Variants in LGR5 observed in about 807,000 individuals in gnomAD.
The protein encoded by LGR5 is leucine-rich repeat-containing G protein-coupled receptor 5.
Under a neutral mutation model 76.7 loss-of-function variants are expected in LGR5, and 54 were observed. The observed-to-expected ratio is 0.70, with a 90% CI of 0.57 to 0.88. The LOEUF (loss-of-function observed/expected upper bound fraction) is 0.88. Among genes scored for constraint, LGR5 ranks in the 40% least tolerant of loss-of-function variants. The pLI is 0.00. For synonymous variants in LGR5, 406 were observed against 421.9 expected (o/e 0.96, Z 0.46); for missense variants, 1,078 against 1,073.3 (o/e 1.00, Z -0.06).
At chr12:71,515,622 A>C (rs1311677628) in intron 2 of LGR5, among the ~76,000 whole-genome samples, 1 of 152,196 alleles carries the variant, frequency 6.6e-6, no homozygotes, top group East Asian at 1.9e-4. Flanking sequence ...AGATTTTTAG[A>C]ATGGAAAAAG....
chr12:71,479,968 G>C (rs1251968211), intron 1 of LGR5, among the ~76,000 whole-genome samples: 1 of 152,160 alleles, frequency 6.6e-6, no homozygotes, highest in African/African-American at 2.4e-5. Flanking sequence ...GGTGGTGCCA[G>C]GGAATTATCT....
chr12:71,512,177 G>A (rs1875190293), intron 2 of LGR5, among the ~76,000 whole-genome samples: 1 of 152,114 alleles, frequency 6.6e-6, no homozygotes, highest in Non-Finnish European at 1.5e-5. Flanking sequence ...TTTTAGTAGA[G>A]ATGGGGTTTC....
At chr12:71,568,716 C>A (rs984651905) in intron 11 of LGR5, among the ~76,000 whole-genome samples, 1 of 152,168 alleles carries the variant, frequency 6.6e-6, no homozygotes, top group Non-Finnish European at 1.5e-5. Context: ...GAGACTAGAA[C>A]CCCAGAGCCT....
intron 5 of LGR5, among the ~76,000 whole-genome samples, chr12:71,554,186 T>A (rs1483257884): frequency 6.6e-6 from 1 of 151,144 alleles, no homozygotes; most frequent in Non-Finnish European, 1.5e-5. Flanking sequence ...GAGGCAAGAG[T>A]TTTTTAAAGA....
Position 71,582,534 on chromosome 12 carries a change from C to T in LGR5, c.1631C>T (p.Ser544Phe). The change falls in exon 17 of 18, where the codon TCC (serine) becomes TTC (phenylalanine). Residue 544 changes from serine to phenylalanine, a missense_variant. Ser to Phe is a radical substitution (Grantham distance 155). Coordinates refer to ENST00000266674, the MANE Select transcript of LGR5 (RefSeq NM_003667.4). Reference sequence around the variant, plus strand: ...CTTCATTCAGTGCAGTGTTCACCTTCCCCAGGTGAGAAAGGCATCAAAAAT... The same window carrying T: ...CTTCATTCAGTGCAGTGTTCACCTTTCCCAGGTGAGAAAGGCATCAAAAAT... The part of the protein sequence containing the change: ...KALHSVQCSP[S>F]PGPFKPCEHL... 2 of 1,610,868 alleles carry T rather than the reference C, an allele frequency of 1.2e-6. No individual in the cohort carries two copies. Among genetic ancestry groups the T allele is most frequent in the Non-Finnish European group, 1.7e-6 (2 of 1,177,022 alleles).
intron 4 of LGR5, among the ~76,000 whole-genome samples, chr12:71,550,868 A>G (rs958615370): frequency 3.9e-5 from 6 of 152,238 alleles, no homozygotes; most frequent in South Asian, 2.1e-4. Flanking sequence ...AATCAGTGCA[A>G]TAGTTAAGGA....
chr12:71,540,323 A>G (rs1876811670), intron 4 of LGR5, among the ~76,000 whole-genome samples: 1 of 152,214 alleles, frequency 6.6e-6, no homozygotes, highest in African/African-American at 2.4e-5. Context: ...GCACAAGTGA[A>G]GCTAACTGTG....
At chr12:71,558,328 A>G (rs17109822) in intron 6 of LGR5, among the ~76,000 whole-genome samples, 22,071 of 152,164 alleles carry the variant, frequency 0.15, 1,739 homozygotes, top group South Asian at 0.23. Context: ...TGTTTGGGGT[A>G]AGGACCCAGG....
At chr12:71,567,766 G>A (rs1042292286) in intron 11 of LGR5, among the ~76,000 whole-genome samples, 1 of 152,138 alleles carries the variant, frequency 6.6e-6, no homozygotes, top group Admixed American at 6.6e-5. Flanking sequence ...TCAATGATAT[G>A]TGGGTGCAGT....
rs188717405 is a variant in LGR5, at chr12:71,440,016, G to T, written c.-65G>T. 1.4e-5 allele frequency: 21 copies of T among 1,509,766 alleles called. No homozygotes were observed. In the African/African-American group the frequency reaches 2.8e-4, roughly 20 times the overall value. 93.5% of individuals were successfully genotyped at this position (1,509,766 alleles called of 1,614,324 possible). ...CACGGAGCGGCGCCCGGCGCGCCAC[G>T]GCCCGTAGCAGTCCGGTGCTGCTCT... On this transcript the variant is annotated 5_prime_UTR_variant, in exon 1 of 18. Transcript: ENST00000266674. The surrounding 1 kb of genome is among the most constrained non-coding windows in gnomAD (Gnocchi z 5.3).
rs749645942 is a variant in LGR5, at chr12:71,553,308, C to T, written c.644+20C>T. On this transcript the variant is annotated intron_variant, in intron 5 of 17. Coordinates refer to ENST00000266674, the MANE Select transcript of LGR5 (RefSeq NM_003667.4). ...AGTTCTGTAAGTTTTATTGATTTTG[C>T]TCTCTTTTAACAGTTTCTAATGTCA... The T allele has an allele frequency of 3.8e-6, 6 of 1,599,220 alleles. No homozygotes were observed. The highest frequency in any genetic ancestry group is 4.3e-6 in the Non-Finnish European group (5 of 1,166,640).
At chr12:71,538,912 C>A (rs1479188191) in intron 4 of LGR5, among the ~76,000 whole-genome samples, 1 of 152,140 alleles carries the variant, frequency 6.6e-6, no homozygotes, top group Non-Finnish European at 1.5e-5. Context: ...ACTTTGCACT[C>A]TTCTATGAGC....
rs577332146 is a variant in LGR5, at chr12:71,555,575, C to T, written c.645-1044C>T. On this transcript the variant is annotated intron_variant, in intron 5 of 17. Coordinates refer to ENST00000266674, the MANE Select transcript of LGR5 (RefSeq NM_003667.4). ...GTTTCCTGTTGACCTGTGCTCCCGC[C>T]CTGGGAAGGTAGCCATTATAGGCCT... Among the ~76,000 whole-genome samples, 48 of 152,270 alleles carry T rather than the reference C, an allele frequency of 3.2e-4. 1 individual carries two copies. The highest frequency in any genetic ancestry group is 3.4e-3 in the Middle Eastern group (1 of 294).
At chr12:71,578,095 C>A (rs1371695869) in intron 14 of LGR5, 99 bp downstream of exon 14, 3 of 867,814 alleles carry the variant, frequency 3.5e-6, no homozygotes, top group Non-Finnish European at 5.7e-6. Context: ...TGGATATGCA[C>A]AGATTACCTG....
At chr12:71,467,399 G>A (rs1872910190) in intron 1 of LGR5, among the ~76,000 whole-genome samples, 1 of 152,112 alleles carries the variant, frequency 6.6e-6, no homozygotes, top group Admixed American at 6.5e-5. Context: ...CTGAAGAACT[G>A]GGGACATAAT....
intron 13 of LGR5, among the ~76,000 whole-genome samples, chr12:71,576,433 T>C (rs746325124): frequency 5.9e-5 from 9 of 152,046 alleles, no homozygotes; most frequent in Non-Finnish European, 1.0e-4. Flanking sequence ...TTGAGAAGTC[T>C]GTAGCTGCCA....
intron 1 of LGR5, among the ~76,000 whole-genome samples, chr12:71,488,832 A>G (rs1873946524): frequency 1.3e-5 from 2 of 152,192 alleles, no homozygotes; most frequent in Non-Finnish European, 1.5e-5. Flanking sequence ...TCCTTGTAAC[A>G]TTTTGAAAGG....
At chr12:71,485,543 G>A (rs35596374) in intron 1 of LGR5, among the ~76,000 whole-genome samples, 12 of 151,928 alleles carry the variant, frequency 7.9e-5, no homozygotes, top group Admixed American at 2.0e-4. Flanking sequence ...ATATTGAGAC[G>A]CCATCTCTGC....
At chr12:71,528,277 G>A (rs1288638635) in intron 3 of LGR5, among the ~76,000 whole-genome samples, 1 of 151,978 alleles carries the variant, frequency 6.6e-6, no homozygotes, top group Non-Finnish European at 1.5e-5. Flanking sequence ...GGGCAGCATG[G>A]CAAAACCCCA....
Sources: gnomAD v4.1 joint callset for allele counts (sites outside exome capture counted in the v4.1 genomes callset) on GRCh38, gnomAD v4.1.1 for gene constraint, Gnocchi (gnomAD v3.1) non-coding constraint, MANE v1.5 for transcripts, NCBI Gene and HGNC (gene_info 2026-07-23, HGNC 2026-07-21) for gene names.